The following EEFSEC variants were observed in gnomAD, a reference collection of about 807,000 sequenced individuals.
The protein encoded by EEFSEC is selenocysteine-specific elongation factor.
In EEFSEC, 43 loss-of-function variants were observed where a neutral mutation model predicts 42.1. The observed-to-expected ratio is 1.02, with a 90% CI of 0.80 to 1.32. The LOEUF (loss-of-function observed/expected upper bound fraction) is 1.32. EEFSEC is among the 40% of genes most tolerant of loss of function. The probability of loss-of-function intolerance (pLI) is 0.00; values close to 1 mark genes in which losing one functional copy is unlikely to be tolerated. For synonymous variants in EEFSEC, 354 were observed against 339.1 expected, an observed-to-expected ratio of 1.04 and a Z score of -0.48; for missense variants, 745 against 803.6, an observed-to-expected ratio of 0.93 and a Z score of 0.88.
chr3:128,371,067 G>A (rs2067647863), intron 6 of EEFSEC, among the ~76,000 whole-genome samples: 1 of 152,162 alleles, frequency 6.6e-6, no homozygotes, highest in African/African-American at 2.4e-5. Flanking sequence ...TGTTGTATAT[G>A]TTATTAACTC....
At chr3:128,401,771 G>A (rs1195704485) in intron 6 of EEFSEC, among the ~76,000 whole-genome samples, 1 of 152,182 alleles carries the variant, frequency 6.6e-6, no homozygotes, top group East Asian at 1.9e-4. Context: ...AGGCAGGGCT[G>A]GAGGACGGTG....
intron 1 of EEFSEC, among the ~76,000 whole-genome samples, chr3:128,221,483 A>G (rs1028022028): frequency 6.6e-6 from 1 of 152,198 alleles, no homozygotes; most frequent in Non-Finnish European, 1.5e-5. Flanking sequence ...CTGAGATTGC[A>G]TGGATTCAGA....
chr3:128,182,637 GT>G (rs1220515584), intron 1 of EEFSEC, among the ~76,000 whole-genome samples: 2 of 152,196 alleles, frequency 1.3e-5, no homozygotes, highest in Non-Finnish European at 2.9e-5. Flanking sequence ...GAACAGTAGT[GT>G]CTGGAAGGCC....
rs397794836 is a variant in EEFSEC, at chr3:128,405,017, C to CTT, written c.1601-3036_1601-3035dup. Among the ~76,000 whole-genome samples, 235 of 140,450 alleles carry CTT rather than the reference C, an allele frequency of 1.7e-3. 3 individuals carry two copies. Among genetic ancestry groups the CTT allele is most frequent in the African/African-American group, 5.7e-3 (217 of 38,242 alleles). The allele number at this position is 140,450 out of a possible 152,430, so 92.1% of individuals were successfully genotyped here. On this transcript the variant is annotated intron_variant, in intron 6 of 6. Coordinates refer to ENST00000254730, the MANE Select transcript of EEFSEC (RefSeq NM_021937.5). ...GCCTCTTTATCCAGCACCCTTGTCA[C>CTT]TTTTTTTTTTTTTTTTTAAGACTGA...
intron 1 of EEFSEC, among the ~76,000 whole-genome samples, chr3:128,181,924 C>T (rs1168283156): frequency 6.6e-6 from 1 of 152,202 alleles, no homozygotes; most frequent in East Asian, 1.9e-4. Context: ...AGCGATTCTC[C>T]CACCTCAGGC....
intron 1 of EEFSEC, among the ~76,000 whole-genome samples, chr3:128,210,111 C>A (rs77854255): frequency 0.015 from 2,336 of 152,266 alleles, 60 homozygotes; most frequent in African/African-American, 0.052. Context: ...AAAAAAGAAG[C>A]CCAGGGGAGA....
At chr3:128,155,403 GC>G (rs894746884) in intron 1 of EEFSEC, among the ~76,000 whole-genome samples, 7 of 152,148 alleles carry the variant, frequency 4.6e-5, no homozygotes, top group Admixed American at 4.6e-4. Context: ...GAGCCACTGT[GC>G]CTGGCTGAAA....
chr3:128,397,516 G>A (rs1248476637), intron 6 of EEFSEC, among the ~76,000 whole-genome samples: 1 of 152,250 alleles, frequency 6.6e-6, no homozygotes, highest in Non-Finnish European at 1.5e-5. Context: ...AATGGTAGCA[G>A]CAGAGGGGAC....
At chr3:128,162,808 T>C (rs1220471030) in intron 1 of EEFSEC, among the ~76,000 whole-genome samples, 1 of 152,240 alleles carries the variant, frequency 6.6e-6, no homozygotes, top group East Asian at 1.9e-4. Context: ...CTCTGGCTTC[T>C]TGAGGCAAAT....
At chr3:128,337,744 G>T (rs1023787610) in intron 4 of EEFSEC, among the ~76,000 whole-genome samples, 5 of 152,238 alleles carry the variant, frequency 3.3e-5, no homozygotes, top group African/African-American at 1.2e-4. Flanking sequence ...ATTTAGAAGG[G>T]AAGAGATGCA....
rs2065708321 is a variant in EEFSEC, at chr3:128,207,357, T to A, written c.317-39479T>A. Among the ~76,000 whole-genome samples the A allele has an allele frequency of 1.3e-5, 2 of 151,520 alleles. 1 individual carries two copies. The highest frequency in any genetic ancestry group is 4.2e-4 in the South Asian group (2 of 4,774). ...GCAGGTCTCTGGAGTGTGTTGCCCA[T>A]CTTGTGGCTCCCCTAGGAGGTTATG... On this transcript the variant is annotated intron_variant, in intron 1 of 6. Transcript: ENST00000254730.
intron 6 of EEFSEC, among the ~76,000 whole-genome samples, chr3:128,367,268 G>T (rs983790983): frequency 6.6e-6 from 1 of 152,242 alleles, no homozygotes; most frequent in Non-Finnish European, 1.5e-5. Context: ...CAGTTAGGAT[G>T]CTGGCACTGG....
chr3:128,192,107 A>G (rs1283867947), intron 1 of EEFSEC, among the ~76,000 whole-genome samples: 1 of 152,176 alleles, frequency 6.6e-6, no homozygotes, highest in Non-Finnish European at 1.5e-5. Context: ...TGGCATTGTG[A>G]TGGAGTAGAA....
chr3:128,294,924 C>A (rs2066685978), intron 4 of EEFSEC, among the ~76,000 whole-genome samples: 1 of 152,216 alleles, frequency 6.6e-6, no homozygotes, highest in Non-Finnish European at 1.5e-5. Context: ...AACTATCAAT[C>A]TCTTGCATGT....
intron 1 of EEFSEC, among the ~76,000 whole-genome samples, chr3:128,166,486 T>C (rs2065243623): frequency 6.6e-6 from 1 of 152,200 alleles, no homozygotes; most frequent in Non-Finnish European, 1.5e-5. Context: ...CACAGGTGGC[T>C]AGTGGCTGCT....
chr3:128,154,325 T>C (rs1944329377), intron 1 of EEFSEC, among the ~76,000 whole-genome samples: 1 of 152,212 alleles, frequency 6.6e-6, no homozygotes, highest in African/African-American at 2.4e-5. Flanking sequence ...CCTCATCCTT[T>C]TAGACACGAT....
chr3:128,334,866 G>T (rs1341774395), intron 4 of EEFSEC, among the ~76,000 whole-genome samples: 1 of 152,182 alleles, frequency 6.6e-6, no homozygotes, highest in Non-Finnish European at 1.5e-5. Flanking sequence ...GGTGGTATAG[G>T]GCAGCAGCAC....
intron 5 of EEFSEC, among the ~76,000 whole-genome samples, chr3:128,356,721 T>C (rs2067459464): frequency 6.6e-6 from 1 of 152,248 alleles, no homozygotes; most frequent in Admixed American, 6.5e-5. Context: ...CAGTTTCTCC[T>C]GATTCCTTCT....
At chr3:128,274,268 G>A (rs1021979639) in intron 4 of EEFSEC, among the ~76,000 whole-genome samples, 11 of 152,214 alleles carry the variant, frequency 7.2e-5, no homozygotes, top group African/African-American at 1.4e-4. Context: ...GAGCTTCAGC[G>A]TCCTTGTCTA....
Sources: allele counts gnomAD v4.1 joint callset (sites outside exome capture counted in the v4.1 genomes callset), GRCh38; gene constraint gnomAD v4.1.1; transcripts MANE v1.5; gene names NCBI Gene and HGNC (gene_info 2026-07-23, HGNC 2026-07-21).